The following PPP3CB variants were observed in gnomAD, a reference collection of about 807,000 sequenced individuals.
PPP3CB encodes the protein serine/threonine-protein phosphatase 2B catalytic subunit beta isoform.
A neutral mutation model predicts 66.4 loss-of-function variants in PPP3CB; 8 were observed. The ratio of observed to expected loss-of-function variants is 0.12; its 90% confidence interval spans 0.07 to 0.22. The LOEUF (loss-of-function observed/expected upper bound fraction) is 0.22, where lower values mean the gene tolerates loss of function less well. Among genes scored for constraint, PPP3CB ranks in the 10% least tolerant of loss-of-function variants. The pLI, the probability that PPP3CB is intolerant of heterozygous loss-of-function variation, is 1.00. For missense variants in PPP3CB, 319 were observed against 642.5 expected (o/e 0.50, Z 5.44); for synonymous variants, 208 against 221.2 (o/e 0.94, Z 0.53).
intron 8 of PPP3CB, among the ~76,000 whole-genome samples, chr10:73,470,091 GT>G (rs1203179153): frequency 6.6e-6 from 1 of 152,096 alleles, no homozygotes; most frequent in Non-Finnish European, 1.5e-5. Flanking sequence ...TTCAGGGAAG[GT>G]GGGGAAATGA....
chr10:73,454,007 T>C (rs2056385418), intron 10 of PPP3CB, among the ~76,000 whole-genome samples: 1 of 152,186 alleles, frequency 6.6e-6, no homozygotes, highest in African/African-American at 2.4e-5. Flanking sequence ...TTTTAGTGTC[T>C]AAAAGGCAGG....
At chr10:73,470,429 G>A (rs949575967) in intron 8 of PPP3CB, among the ~76,000 whole-genome samples, 11 of 152,266 alleles carry the variant, frequency 7.2e-5, no homozygotes, top group African/African-American at 2.4e-4. Context: ...ATCATGTTTG[G>A]TTTTGCTTGA....
intron 9 of PPP3CB, among the ~76,000 whole-genome samples, chr10:73,464,132 C>T (rs1375830250): frequency 1.3e-5 from 2 of 152,024 alleles, no homozygotes; most frequent in African/African-American, 2.4e-5. Flanking sequence ...GTTTCACCAT[C>T]GTGGCCAGGT....
intron 10 of PPP3CB, among the ~76,000 whole-genome samples, chr10:73,450,046 C>A (rs191366737): frequency 3.2e-3 from 493 of 152,310 alleles, no homozygotes; most frequent in Non-Finnish European, 5.5e-3. Flanking sequence ...GATCCACCCG[C>A]CTTAGCCTCC....
At chr10:73,444,305 T>C in intron 12 of PPP3CB, 1 of 376,346 alleles carries the variant, frequency 2.7e-6, no homozygotes, top group Non-Finnish European at 4.8e-6. Flanking sequence ...CATAGTCCAA[T>C]ACAATGACAT....
intron 7 of PPP3CB, 45 bp downstream of exon 7, chr10:73,470,842 T>G: frequency 1.3e-6 from 2 of 1,591,064 alleles, no homozygotes; most frequent in Non-Finnish European, 1.7e-6. Flanking sequence ...TAAGTTTGAT[T>G]TATATTTTAG....
chr10:73,472,782 T>C (rs1040967462), intron 4 of PPP3CB, among the ~76,000 whole-genome samples: 1 of 152,120 alleles, frequency 6.6e-6, no homozygotes, highest in African/African-American at 2.4e-5. Flanking sequence ...TACTTTAAAA[T>C]GGGCAGTGAA....
intron 4 of PPP3CB, 129 bp downstream of exon 4, chr10:73,474,790 C>T: frequency 7.3e-7 from 1 of 1,362,716 alleles, no homozygotes; most frequent in Middle Eastern, 2.0e-4. Context: ...CAACTTTCCT[C>T]AAAGCTTTAT....
intron 1 of PPP3CB, among the ~76,000 whole-genome samples, chr10:73,493,303 AAAAG>A: frequency 6.6e-6 from 1 of 151,482 alleles, no homozygotes; most frequent in Admixed American, 6.6e-5. Flanking sequence ...TCCAGGGAGA[AAAAG>A]ACTACTTGCA....
intron 11 of PPP3CB, among the ~76,000 whole-genome samples, chr10:73,445,370 G>A (rs1050019431): frequency 1.1e-4 from 17 of 152,224 alleles, no homozygotes; most frequent in African/African-American, 4.1e-4. Flanking sequence ...TACCAAAGAT[G>A]AGCAATAACA....
At chr10:73,456,832 T>C (rs974336636) in intron 9 of PPP3CB, among the ~76,000 whole-genome samples, 2 of 152,072 alleles carry the variant, frequency 1.3e-5, no homozygotes, top group African/African-American at 4.8e-5. Flanking sequence ...CAGATAAATA[T>C]GACTTCACCA....
intron 1 of PPP3CB, chr10:73,495,565 G>A: frequency 5.1e-6 from 2 of 395,172 alleles, no homozygotes; most frequent in Non-Finnish European, 8.6e-6. Context: ...CACCCCTTGG[G>A]CTAGGAAGCC....
chr10:73,493,060 G>A (rs769506735), intron 1 of PPP3CB, among the ~76,000 whole-genome samples: 3 of 152,054 alleles, frequency 2.0e-5, no homozygotes, highest in Non-Finnish European at 4.4e-5. Context: ...AGGATCATGA[G>A]GTCAGGAGTT....
At position 73,471,123 on chromosome 10, in the gene PPP3CB, T is replaced by C. The variant is rs766252137; in HGVS notation, c.756A>G (p.Lys252=). ...TATTGTGACTAAAATGTTCCTGTGA[T>C]TTTTCATTTCCAAAATCTTCAGAAG... ...SDPSEDFGNE[K]SQEHFSHNTV... The change falls in exon 6 of 14, where the codon AAA becomes AAG. Residue 252 remains lysine (K), a synonymous_variant. Transcript: ENST00000360663. The C allele has an allele frequency of 1.9e-6, 3 of 1,612,212 alleles. No individual in the cohort carries two copies. The highest frequency in any genetic ancestry group is 2.5e-6 in the Non-Finnish European group (3 of 1,178,414).
intron 2 of PPP3CB, 89 bp from the exon 3 acceptor site, chr10:73,478,712 G>C: frequency 1.8e-6 from 2 of 1,120,470 alleles, no homozygotes; most frequent in Non-Finnish European, 2.6e-6. Flanking sequence ...ATAAGACATA[G>C]TACAAATGCT....
chr10:73,455,789 C>G (rs942019312), intron 9 of PPP3CB, among the ~76,000 whole-genome samples: 3 of 152,204 alleles, frequency 2.0e-5, no homozygotes, highest in Admixed American at 1.3e-4. Flanking sequence ...CCAGGATGGT[C>G]TCGATCTCCT....
intron 9 of PPP3CB, chr10:73,467,058 AT>A (rs916159399): frequency 4.6e-5 from 7 of 152,122 alleles, no homozygotes; most frequent in South Asian, 2.1e-4. Flanking sequence ...TTTTATACAT[AT>A]TTTTTATATA....
chr10:73,490,989 C>T (rs2057063589), intron 1 of PPP3CB, among the ~76,000 whole-genome samples: 1 of 149,190 alleles, frequency 6.7e-6, no homozygotes, highest in African/African-American at 2.5e-5. Context: ...CGTGCCACCA[C>T]ACCCTGCTAA....
chr10:73,484,844 G>C (rs2056946445), intron 1 of PPP3CB, among the ~76,000 whole-genome samples: 1 of 152,004 alleles, frequency 6.6e-6, no homozygotes. Context: ...CTGAGGTCAG[G>C]AGGTCAAGAC....
Sources: gnomAD v4.1 joint callset for allele counts (sites outside exome capture counted in the v4.1 genomes callset) on GRCh38, gnomAD v4.1.1 for gene constraint, MANE v1.5 for transcripts, NCBI Gene and HGNC (gene_info 2026-07-23, HGNC 2026-07-21) for gene names.